SUMO2: variants seen among roughly 807,000 people sequenced by gnomAD.
SUMO2 encodes the protein small ubiquitin-related modifier 2.
SUMO2 carries 1 observed loss-of-function variant against 16.0 expected under a neutral mutation model. The observed-to-expected ratio is 0.06, with a 90% CI of 0.02 to 0.30. The LOEUF is 0.30. SUMO2 is among the 10% of genes least tolerant of loss of function. The probability of loss-of-function intolerance (pLI) is 1.00; values close to 1 mark genes in which losing one functional copy is unlikely to be tolerated. For synonymous variants in SUMO2, 36 were observed against 40.6 expected (o/e 0.89, Z 0.43); for missense variants, 16 against 117.5 (o/e 0.14, Z 3.99).
chr17:75,173,653 T>G (rs183928507), intron 3 of SUMO2, among the ~76,000 whole-genome samples: 1 of 152,082 alleles, frequency 6.6e-6, no homozygotes, highest in East Asian at 1.9e-4. Flanking sequence ...TTTTTGTATT[T>G]TTTTGTAAAG....
At chr17:75,178,759 G>T (rs2074804182) in intron 2 of SUMO2, among the ~76,000 whole-genome samples, 1 of 151,748 alleles carries the variant, frequency 6.6e-6, no homozygotes, top group African/African-American at 2.4e-5. Context: ...GATGAGGTCT[G>T]GGCCAGGCGC....
intron 1 of SUMO2, 87 bp downstream of exon 1, chr17:75,182,727 G>A: frequency 1.7e-6 from 2 of 1,164,836 alleles, no homozygotes; most frequent in East Asian, 3.4e-5. Context: ...GAAAGCGCTG[G>A]GAGCCAGCGG....
chr17:75,165,781 T>A lies in SUMO2; in HGVS notation c.*2558A>T, dbSNP rs915213724. 1.2e-4 allele frequency: 19 copies of A among 152,180 alleles called. No homozygotes were observed. Among genetic ancestry groups the A allele is most frequent in the African/African-American group, 4.3e-4 (18 of 41,444 alleles). 9.4% of individuals were successfully genotyped at this position (152,180 alleles called of 1,614,324 possible). Reference sequence around the variant, plus strand: ...GATCATGCCTGTAATCCCAGCACTTTGGAAGGCCAAGGCGGGTGGATGAAC... The same window carrying A: ...GATCATGCCTGTAATCCCAGCACTTAGGAAGGCCAAGGCGGGTGGATGAAC... On this transcript the variant is annotated 3_prime_UTR_variant, in exon 4 of 4. Coordinates refer to ENST00000420826, the MANE Select transcript of SUMO2 (RefSeq NM_006937.4).
chr17:75,175,629 T>C (rs1399933280), intron 2 of SUMO2, among the ~76,000 whole-genome samples: 1 of 151,392 alleles, frequency 6.6e-6, no homozygotes, highest in Non-Finnish European at 1.5e-5. Context: ...CTGTTTGTTG[T>C]TGTTGTTTTT....
intron 2 of SUMO2, among the ~76,000 whole-genome samples, chr17:75,176,188 T>C (rs916652692): frequency 2.0e-5 from 3 of 152,076 alleles, no homozygotes; most frequent in African/African-American, 7.2e-5. Flanking sequence ...TACAGGCTCA[T>C]GCCACCATGC....
intron 3 of SUMO2, among the ~76,000 whole-genome samples, chr17:75,169,705 C>T (rs1007791391): frequency 6.6e-6 from 1 of 151,720 alleles, no homozygotes; most frequent in African/African-American, 2.4e-5. Flanking sequence ...TTAAATTAGC[C>T]GGGCATGGTG....
intron 2 of SUMO2, among the ~76,000 whole-genome samples, chr17:75,178,567 TTC>T (rs2074802627): frequency 6.6e-6 from 1 of 150,792 alleles, no homozygotes; most frequent in Admixed American, 6.6e-5. Flanking sequence ...TGAAGCATGA[TTC>T]TGTTTGTTTG....
chr17:75,178,136 C>A (rs1023365429), intron 2 of SUMO2, among the ~76,000 whole-genome samples: 2 of 151,214 alleles, frequency 1.3e-5, no homozygotes, highest in African/African-American at 4.9e-5. Flanking sequence ...TGCACTTCAG[C>A]ATGGGCAACA....
chr17:75,172,009 G>A lies in SUMO2; in HGVS notation c.225+2743C>T, dbSNP rs551011224. ...CCTTGTGGCTACATACCATAATTGCGCCTTTTTTTTTTTTTTTGACAGGGT... is the reference window on the plus strand; with the variant it reads ...CCTTGTGGCTACATACCATAATTGCACCTTTTTTTTTTTTTTTGACAGGGT... On this transcript the variant is annotated intron_variant, in intron 3 of 3. Coordinates refer to ENST00000420826, the MANE Select transcript of SUMO2 (RefSeq NM_006937.4). Among the ~76,000 whole-genome samples the A allele has an allele frequency of 1.8e-3, 270 of 147,100 alleles. 5 individuals are homozygous for A. Among genetic ancestry groups the A allele is most frequent in the Non-Finnish European group, 6.0e-4 (40 of 67,114 alleles).
At chr17:75,175,439 G>A (rs2074774733) in intron 2 of SUMO2, among the ~76,000 whole-genome samples, 1 of 151,480 alleles carries the variant, frequency 6.6e-6, no homozygotes, top group African/African-American at 2.4e-5. Context: ...TCCTGCCTCA[G>A]CCTCCTGATT....
At chr17:75,175,557 T>C (rs2074775650) in intron 2 of SUMO2, among the ~76,000 whole-genome samples, 1 of 152,000 alleles carries the variant, frequency 6.6e-6, no homozygotes, top group African/African-American at 2.4e-5. Flanking sequence ...TGACCTCAGA[T>C]GATCTGACCA....
chr17:75,177,023 A>G (rs2145223217), intron 2 of SUMO2, among the ~76,000 whole-genome samples: 1 of 152,116 alleles, frequency 6.6e-6, no homozygotes, highest in Admixed American at 6.6e-5. Context: ...TCTCTACTAA[A>G]AACACAAAAA....
chr17:75,176,472 C>T (rs1343429781), intron 2 of SUMO2, among the ~76,000 whole-genome samples: 4 of 151,818 alleles, frequency 2.6e-5, no homozygotes, highest in South Asian at 4.2e-4. Flanking sequence ...AAAAATTAGC[C>T]GAGTGTGGTG....
At chr17:75,178,879 TG>T (rs2074805085) in intron 2 of SUMO2, among the ~76,000 whole-genome samples, 1 of 150,940 alleles carries the variant, frequency 6.6e-6, no homozygotes, top group African/African-American at 2.4e-5. Context: ...CGCTTAAAAC[TG>T]GAAGGCGGAG....
At position 75,177,638 on chromosome 17, in the gene SUMO2, C is replaced by T. The variant is rs138443556; in HGVS notation, c.154-2815G>A. On this transcript the variant is annotated intron_variant, in intron 2 of 3. Coordinates refer to ENST00000420826, the MANE Select transcript of SUMO2 (RefSeq NM_006937.4). ...CGGAGGTTCCAGTAAGCCTAGATTG[C>T]GCCATTGCATTCAGCCTCAGTAACA... 4.7e-5 allele frequency among the ~76,000 whole-genome samples: 7 copies of T among 150,492 alleles called. No individual in the cohort carries two copies. In the East Asian group the frequency reaches 9.8e-4, roughly 21 times the overall value.
At chr17:75,180,408 A>AAC (rs1555655446) in intron 2 of SUMO2, among the ~76,000 whole-genome samples, 1 of 144,792 alleles carries the variant, frequency 6.9e-6, no homozygotes, top group Non-Finnish European at 1.5e-5. Context: ...AAAAAAAAAA[A>AAC]AAAAAAAAAA....
intron 3 of SUMO2, among the ~76,000 whole-genome samples, chr17:75,172,427 C>T (rs143061815): frequency 3.8e-4 from 57 of 149,594 alleles, no homozygotes; most frequent in African/African-American, 1.4e-3. Flanking sequence ...TCAGGTGATT[C>T]TCCTGCCTCA....
rs1381229373 is a variant in SUMO2 at position 75,167,628 on chromosome 17, A to T, written c.*711T>A. The T allele has an allele frequency of 6.6e-6, 1 of 152,334 alleles. No homozygotes were observed. Among genetic ancestry groups the T allele is most frequent in the Non-Finnish European group, 1.5e-5 (1 of 68,024 alleles). The allele number at this position is 152,334 out of a possible 1,614,324, so 9.4% of individuals were successfully genotyped here. On this transcript the variant is annotated 3_prime_UTR_variant, in exon 4 of 4. Coordinates refer to ENST00000420826, the MANE Select transcript of SUMO2 (RefSeq NM_006937.4). The stretch of plus-strand genomic sequence containing the variant: ...TATCAGTCTGTCAGAAACACCAAGT[A>T]GCTTTATTTCCTTCTTGAAATGTTA...
Position 75,166,826 on chromosome 17 carries a change from T to G in SUMO2, c.*1513A>C, listed in dbSNP as rs1471390530. On this transcript the variant is annotated 3_prime_UTR_variant, in exon 4 of 4. Transcript: ENST00000420826. ...GGGAGGCTGAGGCAGGAGAATGGCG[T>G]GAACCCGGGAGGCGGAGCTTGCAGT... 1 of 152,084 alleles carries G rather than the reference T, an allele frequency of 6.6e-6. No individual in the cohort carries two copies. The highest frequency in any genetic ancestry group is 1.9e-4 in the East Asian group (1 of 5,148). 9.4% of individuals were successfully genotyped at this position (152,084 alleles called of 1,614,324 possible).
Sources: allele counts gnomAD v4.1 joint callset (sites outside exome capture counted in the v4.1 genomes callset), GRCh38; gene constraint gnomAD v4.1.1; transcripts MANE v1.5; gene names NCBI Gene and HGNC (gene_info 2026-07-23, HGNC 2026-07-21).